The following UBE2E2 variants were observed in gnomAD, a reference collection of about 807,000 sequenced individuals.
The protein encoded by UBE2E2 is ubiquitin conjugating enzyme E2 E2.
In UBE2E2, 6 loss-of-function variants were observed where a neutral mutation model predicts 24.7. The observed-to-expected ratio is 0.24, with a 90% CI of 0.13 to 0.48. The LOEUF (loss-of-function observed/expected upper bound fraction) is 0.48, where lower values mean the gene tolerates loss of function less well. Ranked by LOEUF, UBE2E2 falls within the 20% of genes least tolerant of loss-of-function variation. The pLI is 0.99. For synonymous variants in UBE2E2, 104 were observed against 83.6 expected (o/e 1.24, Z -1.33); for missense variants, 169 against 245.0 (o/e 0.69, Z 2.07).
chr3:23,255,195 C>T (rs987116400), intron 3 of UBE2E2, among the ~76,000 whole-genome samples: 1 of 150,408 alleles, frequency 6.6e-6, no homozygotes, highest in Admixed American at 6.6e-5. Context: ...GCGACCCTCC[C>T]ACATCAGCCT....
At chr3:23,531,048 A>G (rs761436878) in intron 4 of UBE2E2, among the ~76,000 whole-genome samples, 4 of 152,112 alleles carry the variant, frequency 2.6e-5, no homozygotes, top group Admixed American at 6.5e-5. Flanking sequence ...GGTGTCATGG[A>G]TTATCTGGTC....
At chr3:23,337,418 G>T (rs997646330) in intron 3 of UBE2E2, among the ~76,000 whole-genome samples, 1 of 152,134 alleles carries the variant, frequency 6.6e-6, no homozygotes, top group Non-Finnish European at 1.5e-5. Flanking sequence ...ATGTAACAGT[G>T]TGCAATACAA....
rs546184823 is a variant in UBE2E2 at position 23,227,171 on chromosome 3, T to C, written c.227+9859T>C. Among the ~76,000 whole-genome samples the C allele has an allele frequency of 2.0e-5, 3 of 152,282 alleles. No individual in the cohort carries two copies. In the South Asian group the frequency reaches 6.2e-4, roughly 32 times the overall value. ...CCTCTACGGATCTTAAAATTGATAA[T>C]ACATCCCTCTTTATTTAGTTTGGCT... On this transcript the variant is annotated intron_variant, in intron 3 of 5. Coordinates refer to ENST00000396703, the MANE Select transcript of UBE2E2 (RefSeq NM_152653.4).
At position 23,484,114 on chromosome 3, in the gene UBE2E2, T is replaced by C. The variant is rs1699312467; in HGVS notation, c.228-15494T>C. 2.0e-5 allele frequency among the ~76,000 whole-genome samples: 3 copies of C among 152,236 alleles called. 1 individual carries two copies. The highest frequency in any genetic ancestry group is 2.0e-4 in the Admixed American group (3 of 15,292). ...CACTATCTAACCTCAGCCATCCTGG[T>C]ATATCTGCTGTTCTTCCAAAGGGCA... On this transcript the variant is annotated intron_variant, in intron 3 of 5. Transcript: ENST00000396703.
At chr3:23,247,458 G>A (rs182277929) in intron 3 of UBE2E2, among the ~76,000 whole-genome samples, 4 of 151,314 alleles carry the variant, frequency 2.6e-5, no homozygotes, top group Admixed American at 2.0e-4. Context: ...GCGTACAAGC[G>A]ATTCTCCTGC....
intron 3 of UBE2E2, among the ~76,000 whole-genome samples, chr3:23,308,142 C>T (rs1699284810): frequency 6.6e-6 from 1 of 152,286 alleles, no homozygotes; most frequent in South Asian, 2.1e-4. Flanking sequence ...AGCTCCATTA[C>T]CTTTTAACCA....
intron 3 of UBE2E2, among the ~76,000 whole-genome samples, chr3:23,272,278 GGGCC>G (rs1471346650): frequency 1.3e-5 from 2 of 151,972 alleles, no homozygotes; most frequent in African/African-American, 4.8e-5. Flanking sequence ...TCACTGCCCG[GGGCC>G]GGCCGGCTTC....
chr3:23,267,361 G>A (rs1357820008), intron 3 of UBE2E2, among the ~76,000 whole-genome samples: 1 of 152,178 alleles, frequency 6.6e-6, no homozygotes, highest in Non-Finnish European at 1.5e-5. Context: ...AATAAAAAAT[G>A]ATAAAGGGGA....
At chr3:23,365,631 G>T (rs1696231451) in intron 3 of UBE2E2, among the ~76,000 whole-genome samples, 1 of 152,064 alleles carries the variant, frequency 6.6e-6, no homozygotes, top group Non-Finnish European at 1.5e-5. Flanking sequence ...ACAAATGGAA[G>T]AACATTCCAT....
At chr3:23,305,143 A>G (rs1699205913) in intron 3 of UBE2E2, among the ~76,000 whole-genome samples, 1 of 152,210 alleles carries the variant, frequency 6.6e-6, no homozygotes, top group Non-Finnish European at 1.5e-5. Flanking sequence ...ATTGGCGACA[A>G]GTACTGTCAT....
At chr3:23,241,889 C>G (rs1406301228) in intron 3 of UBE2E2, among the ~76,000 whole-genome samples, 1 of 152,094 alleles carries the variant, frequency 6.6e-6, no homozygotes, top group African/African-American at 2.4e-5. Flanking sequence ...TCATTTATAC[C>G]TCTCCCCAAG....
At chr3:23,477,549 G>T (rs1699165701) in intron 3 of UBE2E2, among the ~76,000 whole-genome samples, 1 of 152,168 alleles carries the variant, frequency 6.6e-6, no homozygotes, top group South Asian at 2.1e-4. Flanking sequence ...TGCCAAATCT[G>T]CAGCACATAG....
intron 5 of UBE2E2, among the ~76,000 whole-genome samples, chr3:23,572,525 C>G (rs1443524466): frequency 6.6e-6 from 1 of 152,078 alleles, no homozygotes; most frequent in Non-Finnish European, 1.5e-5. Context: ...AGCCCTTGCC[C>G]CCTTCCCCGA....
chr3:23,358,419 G>GA (rs1696026354), intron 3 of UBE2E2, among the ~76,000 whole-genome samples: 1 of 152,032 alleles, frequency 6.6e-6, no homozygotes, highest in African/African-American at 2.4e-5. Flanking sequence ...ATTAGTCTGG[G>GA]AACATTTAAT....
intron 3 of UBE2E2, among the ~76,000 whole-genome samples, chr3:23,381,904 G>T (rs1696679336): frequency 6.6e-6 from 1 of 152,188 alleles, no homozygotes; most frequent in Non-Finnish European, 1.5e-5. Flanking sequence ...GATGTAGACT[G>T]AGAAGGTGGG....
chr3:23,216,539 A>G (rs866420218), intron 2 of UBE2E2, among the ~76,000 whole-genome samples: 1 of 152,188 alleles, frequency 6.6e-6, no homozygotes, highest in African/African-American at 2.4e-5. Flanking sequence ...TTAATAAGGT[A>G]TGAATGATAG....
At chr3:23,413,208 TA>T (rs5847232) in intron 3 of UBE2E2, among the ~76,000 whole-genome samples, 8 of 151,148 alleles carry the variant, frequency 5.3e-5, no homozygotes, top group Non-Finnish European at 1.0e-4. Context: ...ATAATAAAAT[TA>T]AAAAAAAATC....
At chr3:23,359,531 A>G (rs1696056544) in intron 3 of UBE2E2, among the ~76,000 whole-genome samples, 1 of 152,178 alleles carries the variant, frequency 6.6e-6, no homozygotes, top group African/African-American at 2.4e-5. Flanking sequence ...GTGTCTACAG[A>G]TTTTGGAAAC....
chr3:23,576,936 C>G (rs1360232599), intron 5 of UBE2E2, among the ~76,000 whole-genome samples: 2 of 147,542 alleles, frequency 1.4e-5, no homozygotes, highest in Non-Finnish European at 3.0e-5. Flanking sequence ...TTTTTTTTAA[C>G]AAATTGAAGG....
Sources: gnomAD v4.1 joint callset for allele counts (sites outside exome capture counted in the v4.1 genomes callset) on GRCh38, gnomAD v4.1.1 for gene constraint, MANE v1.5 for transcripts, NCBI Gene and HGNC (gene_info 2026-07-23, HGNC 2026-07-21) for gene names.